SLC43A2: variants seen among roughly 807,000 people sequenced by gnomAD.
The protein encoded by SLC43A2 is large neutral amino acids transporter small subunit 4.
A neutral mutation model predicts 63.2 loss-of-function variants in SLC43A2; 38 were observed. The observed-to-expected ratio is 0.60, with a 90% CI of 0.46 to 0.79. The LOEUF (loss-of-function observed/expected upper bound fraction) is 0.79, where lower values mean the gene tolerates loss of function less well. SLC43A2 is among the 30% of genes least tolerant of loss of function. The pLI is 0.00. For synonymous variants in SLC43A2, 322 were observed against 331.0 expected, an observed-to-expected ratio of 0.97 and a Z score of 0.30; for missense variants, 644 against 756.2, an observed-to-expected ratio of 0.85 and a Z score of 1.74.
rs2151019878 is a variant in SLC43A2 at position 1,570,171 on chromosome 17, G to A, written c.*5433C>T. ...GCCTCCCAAAGTGCTGGGATTACAG[G>A]CGTGAGCCACTGCGCCCGGCCCTAA... is the stretch of plus-strand genomic sequence containing the variant. On this transcript the variant is annotated 3_prime_UTR_variant, in exon 14 of 14. Transcript: ENST00000301335. The A allele has an allele frequency of 6.6e-6, 1 of 152,258 alleles. No individual in the cohort carries two copies. The highest frequency in any genetic ancestry group is 2.1e-4 in the South Asian group (1 of 4,834). The allele number at this position is 152,258 out of a possible 1,614,324, so 9.4% of individuals were successfully genotyped here.
chr17:1,598,347 G>A (rs1376243266), intron 5 of SLC43A2, among the ~76,000 whole-genome samples: 2 of 151,856 alleles, frequency 1.3e-5, no homozygotes, highest in African/African-American at 4.8e-5. Flanking sequence ...CTTGAATCCA[G>A]GAGGCAGAGG....
chr17:1,572,592 AG>A lies in SLC43A2; in HGVS notation c.*3011del, dbSNP rs1422195141. On this transcript the variant is annotated 3_prime_UTR_variant, in exon 14 of 14. Transcript: ENST00000301335. ...ACATGTCACCTGTCAGCTCCACACA[AG>A]GCAAAGTAGGATGGGTGACCCCTGA... 6.6e-6 allele frequency: 1 copy of A among 152,284 alleles called. No homozygotes were observed. 9.4% of individuals were successfully genotyped at this position (152,284 alleles called of 1,614,324 possible).
chr17:1,614,518 C>A (rs192825657), intron 4 of SLC43A2, among the ~76,000 whole-genome samples: 2 of 151,974 alleles, frequency 1.3e-5, no homozygotes, highest in Non-Finnish European at 2.9e-5. Context: ...ATGAGCCTGG[C>A]TAAGATTTTG....
intron 3 of SLC43A2, 34 bp from the exon 4 acceptor site, chr17:1,615,068 A>T: frequency 6.2e-7 from 1 of 1,612,686 alleles, no homozygotes; most frequent in Non-Finnish European, 8.5e-7. Flanking sequence ...GTTATTTACC[A>T]TTATGACTTT....
At chr17:1,586,936 A>ACCCCCCCCT in intron 9 of SLC43A2, 1 of 501,652 alleles carries the variant, frequency 2.0e-6, no homozygotes, top group Non-Finnish European at 3.2e-6. Flanking sequence ...AATCCCCCCC[A>ACCCCCCCCT]CCCCCCGCTT....
Position 1,616,646 on chromosome 17 carries a change from C to T in SLC43A2, c.284G>A (p.Gly95Asp), listed in dbSNP as rs771166522. 6.2e-7 allele frequency: 1 copy of T among 1,614,160 alleles called. No homozygotes were observed. The change falls in exon 3 of 14, where the codon GGC (glycine) becomes GAC (aspartate). Residue 95 changes from glycine (G) to aspartate (D), a missense_variant. By Grantham distance (94) the Gly-to-Asp change is moderately conservative. Coordinates refer to ENST00000301335, the MANE Select transcript of SLC43A2 (RefSeq NM_152346.3). ...DEMLNLAFTV[G>D]SFLLSAITLP... ...GGTGATGGCACTGAGCAGAAAGGAG[C>T]CCACAGTGAAGGCCAAATTTAGCAT...
intron 5 of SLC43A2, among the ~76,000 whole-genome samples, chr17:1,603,527 G>A (rs778004605): frequency 5.1e-4 from 77 of 152,070 alleles, no homozygotes; most frequent in Non-Finnish European, 3.5e-4. Flanking sequence ...GCTCACACCT[G>A]TAATCCCAGC....
chr17:1,621,225 A>G (rs1908123534), intron 2 of SLC43A2, among the ~76,000 whole-genome samples: 1 of 152,138 alleles, frequency 6.6e-6, no homozygotes, highest in Non-Finnish European at 1.5e-5. Context: ...GGCTCCCCTG[A>G]GGCAAAGAGG....
At chr17:1,624,004 T>C (rs1171626611) in intron 2 of SLC43A2, among the ~76,000 whole-genome samples, 2 of 152,206 alleles carry the variant, frequency 1.3e-5, no homozygotes, top group African/African-American at 4.8e-5. Context: ...GGCGCCCTGC[T>C]TTCTTGGGGG....
rs557291707 is a variant in SLC43A2, at chr17:1,594,736, C to T, written c.502-1457G>A. Among the ~76,000 whole-genome samples, 189 of 151,286 alleles carry T rather than the reference C, an allele frequency of 1.2e-3. 1 individual carries two copies. The highest frequency in any genetic ancestry group is 6.8e-3 in the Middle Eastern group (2 of 294). On this transcript the variant is annotated intron_variant, in intron 5 of 13. Transcript: ENST00000301335. Reference sequence around the variant, plus strand: ...CCGTGTAGCTGGGACTATAGGCGCCCGCCACCACACCCGGCTAATTTTTTT... The same window carrying T: ...CCGTGTAGCTGGGACTATAGGCGCCTGCCACCACACCCGGCTAATTTTTTT...
chr17:1,585,756 T>A lies in SLC43A2; in HGVS notation c.1217+157A>T, dbSNP rs773057405. On this transcript the variant is annotated intron_variant, in intron 10 of 13. Transcript: ENST00000301335. ...AGAGGGGAGCAGTTGAAACGCATGC[T>A]GAGCTGAATGAGTGAGTCTCTCTAA... 2.5e-6 allele frequency: 4 copies of A among 1,587,772 alleles called. No individual in the cohort carries two copies. The South Asian group carries it at 4.5e-5, about 18-fold the overall frequency.
intron 3 of SLC43A2, among the ~76,000 whole-genome samples, chr17:1,615,623 C>G (rs889771821): frequency 1.3e-5 from 2 of 149,864 alleles, no homozygotes; most frequent in African/African-American, 4.9e-5. Flanking sequence ...GCGGGCAGAT[C>G]ACAAGGTCAG....
intron 2 of SLC43A2, among the ~76,000 whole-genome samples, chr17:1,623,139 G>T (rs1373367130): frequency 6.6e-6 from 1 of 152,142 alleles, no homozygotes; most frequent in Non-Finnish European, 1.5e-5. Flanking sequence ...AGAGGTCCTC[G>T]AGGCAGCAGA....
In SLC43A2 at chr17:1,570,932, C is replaced by T. The variant is rs1242509290; in HGVS notation, c.*4672G>A. The T allele has an allele frequency of 6.6e-6, 1 of 152,328 alleles. No homozygotes were observed. Among genetic ancestry groups the T allele is most frequent in the African/African-American group, 2.4e-5 (1 of 41,478 alleles). The allele number at this position is 152,328 out of a possible 1,614,324, so 9.4% of individuals were successfully genotyped here. ...ACTCGCCCAGGGCCACCAAGACAGTCCTCTAGACTTTGGTCTTCCCTCCTT... is the reference window on the plus strand; with the variant it reads ...ACTCGCCCAGGGCCACCAAGACAGTTCTCTAGACTTTGGTCTTCCCTCCTT... On this transcript the variant is annotated 3_prime_UTR_variant, in exon 14 of 14. Transcript: ENST00000301335.
rs1598454248 is a variant in SLC43A2, at chr17:1,593,070, G to C, written c.594+117C>G. The C allele has an allele frequency of 1.9e-5, 17 of 890,300 alleles. No homozygotes were observed. Among genetic ancestry groups the C allele is most frequent in the Non-Finnish European group, 3.1e-5 (17 of 556,986 alleles). The allele number at this position is 890,300 out of a possible 1,614,324, so 55.2% of individuals were successfully genotyped here. A position where few individuals can be genotyped will look rare whatever the true frequency, so the allele number is the denominator to read the frequency against. On this transcript the variant is annotated intron_variant, in intron 6 of 13. Transcript: ENST00000301335. The surrounding 1 kb of genome is among the most constrained non-coding windows in gnomAD (Gnocchi z 5.3). ...ATGCCCAGGTGCATCCTGCCCGGGT[G>C]GGGGTGGTGGAGAGGGGCCACCCCG...
chr17:1,589,648 C>CTT (rs1904563016), intron 9 of SLC43A2, among the ~76,000 whole-genome samples: 2 of 152,076 alleles, frequency 1.3e-5, no homozygotes, highest in Non-Finnish European at 2.9e-5. Context: ...GAGATGGAGT[C>CTT]GCACTCTGTC....
chr17:1,608,787 A>G (rs1246801032), intron 5 of SLC43A2, among the ~76,000 whole-genome samples: 1 of 152,122 alleles, frequency 6.6e-6, no homozygotes, highest in Non-Finnish European at 1.5e-5. Flanking sequence ...AGCAGCACCT[A>G]CACACGCTTT....
chr17:1,599,968 T>C (rs577650311), intron 5 of SLC43A2, among the ~76,000 whole-genome samples: 28 of 145,690 alleles, frequency 1.9e-4, no homozygotes, highest in African/African-American at 6.1e-4. Flanking sequence ...GGCGTGAACC[T>C]GGGAGGCAGA....
Position 1,575,271 on chromosome 17 carries a change from A to C in SLC43A2, c.*333T>G, listed in dbSNP as rs913652860. On this transcript the variant is annotated 3_prime_UTR_variant, in exon 14 of 14. Transcript: ENST00000301335. Reference sequence around the variant, plus strand: ...TGGCAGCCCCCTCTGCTTTGGCAAGAGGCAGAATCCAGACACTGGCGGGAG... The same window carrying C: ...TGGCAGCCCCCTCTGCTTTGGCAAGCGGCAGAATCCAGACACTGGCGGGAG... 7 of 410,476 alleles carry C rather than the reference A, an allele frequency of 1.7e-5. No individual in the cohort carries two copies. The highest frequency in any genetic ancestry group is 4.2e-5 in the Admixed American group (1 of 23,732). The allele number at this position is 410,476 out of a possible 1,614,324, so 25.4% of individuals were successfully genotyped here.
Sources: allele counts gnomAD v4.1 joint callset (sites outside exome capture counted in the v4.1 genomes callset), GRCh38; gene constraint gnomAD v4.1.1; non-coding constraint Gnocchi (gnomAD v3.1); transcripts MANE v1.5; gene names NCBI Gene and HGNC (gene_info 2026-07-23, HGNC 2026-07-21).